Variants in ZNF665 observed in about 807,000 individuals in gnomAD.
ZNF665 encodes zinc finger protein 665.
A neutral mutation model predicts 7.9 loss-of-function variants in ZNF665; 6 were observed. The ratio of observed to expected loss-of-function variants is 0.76; its 90% confidence interval spans 0.42 to 1.50. The LOEUF (loss-of-function observed/expected upper bound fraction) is 1.50. ZNF665 is among the 40% of genes most tolerant of loss of function. The pLI, the probability that ZNF665 is intolerant of heterozygous loss-of-function variation, is 0.01. For synonymous variants in ZNF665, 242 were observed against 274.5 expected (o/e 0.88, Z 1.17); for missense variants, 819 against 806.7 (o/e 1.02, Z -0.18).
At position 53,165,366 on chromosome 19, in the gene ZNF665, T is replaced by C; in HGVS notation, c.1124A>G (p.Lys375Arg). Residue 375 changes from lysine (K) to arginine (R), a missense_variant, in exon 4 of 4, where the codon AAG becomes AGG. Coordinates refer to ENST00000396424, the MANE Select transcript of ZNF665 (RefSeq NM_024733.5). ...RRIHTGEKPY[K>R]CNECGKAFSM... ...GAAGGCTTTCCCACACTCATTACAC[T>C]TGTAAGGTTTCTCACCAGTATGAAT... 1 of 1,614,200 alleles carries C rather than the reference T, an allele frequency of 6.2e-7. No homozygotes were observed. The highest frequency in any genetic ancestry group is 8.5e-7 in the Non-Finnish European group (1 of 1,180,020).
chr19:53,191,057 A>T (rs2090813206), intron 1 of ZNF665, among the ~76,000 whole-genome samples: 2 of 139,238 alleles, frequency 1.4e-5, no homozygotes, highest in Non-Finnish European at 3.0e-5. Flanking sequence ...CCAAATTTAT[A>T]CTCAATGGAT....
At chr19:53,189,823 T>C (rs2090802679) in intron 1 of ZNF665, among the ~76,000 whole-genome samples, 2 of 151,934 alleles carry the variant, frequency 1.3e-5, no homozygotes, top group Non-Finnish European at 2.9e-5. Context: ...GTGTTTTCAT[T>C]TGACACTTAC....
chr19:53,183,067 A>G (rs2090750519), intron 1 of ZNF665, 124 bp from the exon 2 acceptor site: 1 of 1,059,124 alleles, frequency 9.4e-7, no homozygotes. Context: ...GACCTTATAC[A>G]CAGGGAAGAT....
rs2090690247 is a variant in ZNF665 at position 53,175,492 on chromosome 19, A to G, written c.95T>C (p.Leu32Ser). Residue 32 changes from leucine (L) to serine (S), a missense_variant, in exon 3 of 4, where the codon TTG (leucine) becomes TCG (serine). Physicochemically the swap from Leu to Ser is moderately radical, Grantham distance 145. Coordinates refer to ENST00000396424, the MANE Select transcript of ZNF665 (RefSeq NM_024733.5). ...ATTCTCCAACATGACGTCCCTGTAC[A>G]AAGTCTTCTGAGCAGGGTCCAGGCA... ...WTCLDPAQKT[L>S]YRDVMLENYR... 1 of 1,613,064 alleles carries G rather than the reference A, an allele frequency of 6.2e-7. No homozygotes were observed. The highest frequency in any genetic ancestry group is 1.7e-5 in the Admixed American group (1 of 59,714).
chr19:53,164,455 A>G lies in ZNF665; in HGVS notation c.2035T>C (p.Ter679GlnextTer40). Residue 679 changes from the stop codon to glutamine (Q), a stop_lost, in exon 4 of 4, where the codon TAG (stop) becomes CAG (glutamine). Coordinates refer to ENST00000396424, the MANE Select transcript of ZNF665 (RefSeq NM_024733.5). ...GCCCGGCGTCCTTTGTAAGGTTTCT[A>G]TCCACTATGAATTCTTCGATGTTTT... ...LAKHRRIHSG[*>Q] 6.3e-7 allele frequency: 1 copy of G among 1,580,806 alleles called. No homozygotes were observed. The highest frequency in any genetic ancestry group is 8.6e-7 in the Non-Finnish European group (1 of 1,163,892).
At chr19:53,179,761 G>C (rs1201569081) in intron 2 of ZNF665, 1 of 152,204 alleles carries the variant, frequency 6.6e-6, no homozygotes, top group Non-Finnish European at 1.5e-5. Flanking sequence ...TCGGTCAGAA[G>C]TTTCAGAGGC....
chr19:53,190,159 G>A (rs1354857079), intron 1 of ZNF665: 1 of 152,038 alleles, frequency 6.6e-6, no homozygotes, highest in Non-Finnish European at 1.5e-5. Flanking sequence ...TATTATACTG[G>A]AACAGCTCGT....
intron 2 of ZNF665, among the ~76,000 whole-genome samples, chr19:53,178,919 A>T (rs569872945): frequency 6.6e-6 from 1 of 152,372 alleles, no homozygotes; most frequent in Admixed American, 6.5e-5. Flanking sequence ...AGAACTACAC[A>T]GGAGCCAAAT....
intron 3 of ZNF665, among the ~76,000 whole-genome samples, chr19:53,167,774 T>C (rs957862908): frequency 2.8e-5 from 4 of 144,212 alleles, no homozygotes; most frequent in Non-Finnish European, 6.1e-5. Flanking sequence ...AAGAGGAGTC[T>C]GCCGGGCGCC....
rs2090599814 is a variant in ZNF665 at position 53,165,231 on chromosome 19, T to A, written c.1259A>T (p.His420Leu). 1.9e-6 allele frequency: 3 copies of A among 1,614,004 alleles called. No individual in the cohort carries two copies. Among genetic ancestry groups the A allele is most frequent in the African/African-American group, 2.7e-5 (2 of 74,984 alleles). Reference sequence around the variant, plus strand: ...TTTCTCTCCAGTATGAATTCTTCGATGATTTGCTAAGTGTGAATACTGAGT... The same window carrying A: ...TTTCTCTCCAGTATGAATTCTTCGAAGATTTGCTAAGTGTGAATACTGAGT... The part of the protein sequence containing the change: ...VFTQYSHLAN[H>L]RRIHTGEKPY... Residue 420 changes from histidine (H) to leucine (L), a missense_variant, in exon 4 of 4, where the codon CAT becomes CTT. Transcript: ENST00000396424.
At chr19:53,176,382 G>C (rs71363313) in intron 2 of ZNF665, among the ~76,000 whole-genome samples, 25,009 of 152,026 alleles carry the variant, frequency 0.16, 2,340 homozygotes, top group Middle Eastern at 0.21. Flanking sequence ...GAGGCTCCTT[G>C]AGTGGTGCAC....
chr19:53,163,556 T>A lies in ZNF665; in HGVS notation c.*897A>T, dbSNP rs2090579431. On this transcript the variant is annotated 3_prime_UTR_variant, in exon 4 of 4. Transcript: ENST00000396424. ...GAAGTGAGTGAGCCCTTCCATCCTT[T>A]GATTCTTTCCCGAACAACACCATGT... 6.6e-6 allele frequency: 1 copy of A among 152,242 alleles called. No homozygotes were observed. The highest frequency in any genetic ancestry group is 1.5e-5 in the Non-Finnish European group (1 of 68,042). The allele number at this position is 152,242 out of a possible 1,614,324, so 9.4% of individuals were successfully genotyped here.
intron 3 of ZNF665, 131 bp downstream of exon 3, chr19:53,175,314 G>A (rs2090688418): frequency 8.6e-7 from 1 of 1,157,344 alleles, no homozygotes; most frequent in East Asian, 2.7e-5. Flanking sequence ...TGCATGATTA[G>A]GCTTTTCATT....
At chr19:53,169,212 T>C (rs1186554393) in intron 3 of ZNF665, among the ~76,000 whole-genome samples, 2 of 152,074 alleles carry the variant, frequency 1.3e-5, no homozygotes, top group African/African-American at 4.8e-5. Context: ...CAAAGTTCAA[T>C]ATTAAGAAAA....
chr19:53,174,745 C>A (rs1427744988), intron 3 of ZNF665, among the ~76,000 whole-genome samples: 1 of 151,990 alleles, frequency 6.6e-6, no homozygotes, highest in Non-Finnish European at 1.5e-5. Context: ...TCGGGACTAG[C>A]CTGGCCAACA....
chr19:53,192,553 A>C (rs2090825275), intron 1 of ZNF665, among the ~76,000 whole-genome samples: 1 of 152,066 alleles, frequency 6.6e-6, no homozygotes, highest in Non-Finnish European at 1.5e-5. Flanking sequence ...CTCTTTGTAA[A>C]TCCTGACCCA....
chr19:53,179,543 T>A (rs1329326047), intron 2 of ZNF665: 1 of 148,644 alleles, frequency 6.7e-6, no homozygotes, highest in East Asian at 2.0e-4. Flanking sequence ...CATGTGGAGG[T>A]TCCTGGAGGA....
chr19:53,177,811 T>G (rs914373635), intron 2 of ZNF665, among the ~76,000 whole-genome samples: 13 of 152,200 alleles, frequency 8.5e-5, no homozygotes, highest in African/African-American at 3.1e-4. Flanking sequence ...ATCCTTTACG[T>G]GTACTAACAC....
chr19:53,189,511 G>A (rs11668043), intron 1 of ZNF665, among the ~76,000 whole-genome samples: 49,068 of 144,804 alleles, frequency 0.34, 9,389 homozygotes, highest in Middle Eastern at 0.53. Context: ...AGGCAGAGAG[G>A]GAGAGGAGAC....
Sources: allele counts gnomAD v4.1 joint callset (sites outside exome capture counted in the v4.1 genomes callset), GRCh38; gene constraint gnomAD v4.1.1; transcripts MANE v1.5; gene names NCBI Gene and HGNC (gene_info 2026-07-23, HGNC 2026-07-21).